BDP1: variants seen among roughly 807,000 people sequenced by gnomAD.
The protein encoded by BDP1 is transcription factor TFIIIB component B'' homolog.
Under a neutral mutation model 266.6 loss-of-function variants are expected in BDP1, and 169 were observed. That is an observed-to-expected ratio of 0.63 (90% CI 0.56 to 0.72). The LOEUF is 0.72. Ranked by LOEUF, BDP1 falls within the 30% of genes least tolerant of loss-of-function variation. The probability of loss-of-function intolerance (pLI) is 0.00; values close to 1 mark genes in which losing one functional copy is unlikely to be tolerated. For synonymous variants in BDP1, 1,090 were observed against 1,022.4 expected (o/e 1.07, Z -1.26); for missense variants, 3,015 against 3,053.8 (o/e 0.99, Z 0.30).
At position 71,502,786 on chromosome 5, in the gene BDP1, A is replaced by G. The variant is rs1484485420; in HGVS notation, c.2236A>G (p.Arg746Gly). Residue 746 changes from arginine to glycine, a missense_variant, in exon 15 of 39, where the codon AGA becomes GGA. Physicochemically the swap from Arg to Gly is moderately radical, Grantham distance 125. Transcript: ENST00000358731. ...GAATGAAAATGAATCCTGTGCTGAT[A>G]GAGATGTAAGTACTCTGATTCCTCC... ...EKNENESCAD[R>G]DTPQHMEDQS... The G allele has an allele frequency of 1.9e-6, 3 of 1,612,308 alleles. No homozygotes were observed. Among genetic ancestry groups the G allele is most frequent in the Non-Finnish European group, 1.7e-6 (2 of 1,179,292 alleles).
downstream of BDP1, among the ~76,000 whole-genome samples, chr5:71,568,090 A>G (rs1744130991): frequency 6.6e-6 from 1 of 152,116 alleles, no homozygotes; most frequent in Admixed American, 6.5e-5. Context: ...GGCTGCAGTG[A>G]GCTGTGATTG....
intron 25 of BDP1, among the ~76,000 whole-genome samples, chr5:71,526,827 A>C (rs1442054240): frequency 2.0e-5 from 3 of 151,632 alleles, no homozygotes; most frequent in Non-Finnish European, 2.9e-5. Flanking sequence ...CTGGGACTAC[A>C]GGTGTGCACC....
At chr5:71,503,241 C>T (rs924792434) in intron 15 of BDP1, among the ~76,000 whole-genome samples, 1 of 152,162 alleles carries the variant, frequency 6.6e-6, no homozygotes, top group Non-Finnish European at 1.5e-5. Context: ...CCCGCCTTGG[C>T]CTCCCAAAGT....
At chr5:71,576,672 GA>G in the BDP1 span, among the ~76,000 whole-genome samples, 2 of 152,178 alleles carry the variant, frequency 1.3e-5, no homozygotes, top group Non-Finnish European at 2.9e-5. Context: ...CAATTAGATG[GA>G]AAAGAAGAAA....
downstream of BDP1, among the ~76,000 whole-genome samples, chr5:71,569,923 T>C (rs556605269): frequency 2.6e-5 from 4 of 152,308 alleles, no homozygotes; most frequent in African/African-American, 9.6e-5. Context: ...GCCAAGCTGG[T>C]GAATCAAATG....
At chr5:71,485,002 G>T (rs1259601149) in intron 8 of BDP1, among the ~76,000 whole-genome samples, 2 of 152,126 alleles carry the variant, frequency 1.3e-5, no homozygotes, top group African/African-American at 2.4e-5. Flanking sequence ...GGAATATTGT[G>T]CTCCTCAGCC....
chr5:71,487,413 T>C (rs1219526836), intron 9 of BDP1, among the ~76,000 whole-genome samples: 1 of 152,066 alleles, frequency 6.6e-6, no homozygotes, highest in African/African-American at 2.4e-5. Context: ...GGCTAATTTT[T>C]TTTGTATTTT....
Position 71,466,099 on chromosome 5 carries a change from A to G in BDP1, c.663A>G (p.Gln221=), listed in dbSNP as rs764298148. The change falls in exon 5 of 39, where the codon CAA becomes CAG. Residue 221 remains glutamine (Q), a synonymous_variant. Coordinates refer to ENST00000358731, the MANE Select transcript of BDP1 (RefSeq NM_018429.3). ...KPSTPVQTRE[Q]EGKSTPNAED... ...AACTTATCTTTATATGTGGTAGGCA[A>G]GAAGGTAAGAGTACTCCTAATGCTG... 1.9e-6 allele frequency: 3 copies of G among 1,613,140 alleles called. No homozygotes were observed. The highest frequency in any genetic ancestry group is 2.5e-6 in the Non-Finnish European group (3 of 1,179,570).
rs145858792 is a variant in BDP1, at chr5:71,463,537, C to T, written c.600-521C>T. On this transcript the variant is annotated intron_variant, in intron 3 of 38. Transcript: ENST00000358731. Reference sequence around the variant, plus strand: ...TGAGAAGTTAGAGGATAAGAACATTCTCTGTTGGGCGTGGTGGCTCATGCC... The same window carrying T: ...TGAGAAGTTAGAGGATAAGAACATTTTCTGTTGGGCGTGGTGGCTCATGCC... Among the ~76,000 whole-genome samples, 94 of 152,152 alleles carry T rather than the reference C, an allele frequency of 6.2e-4. 3 individuals are homozygous for T. The East Asian group carries it at 0.017, about 28-fold the overall frequency.
chr5:71,460,069 A>G (rs907074186), intron 2 of BDP1, among the ~76,000 whole-genome samples: 3 of 152,242 alleles, frequency 2.0e-5, no homozygotes, highest in Non-Finnish European at 2.9e-5. Flanking sequence ...GAGTCAATAC[A>G]TGTAAAACAC....
At chr5:71,505,305 C>T (rs1764519283) in intron 16 of BDP1, among the ~76,000 whole-genome samples, 1 of 152,052 alleles carries the variant, frequency 6.6e-6, no homozygotes, top group Admixed American at 6.6e-5. Context: ...TCACACCCAG[C>T]CAGCTTTATC....
At chr5:71,467,769 T>A (rs1383000988) in intron 6 of BDP1, among the ~76,000 whole-genome samples, 2 of 152,026 alleles carry the variant, frequency 1.3e-5, no homozygotes, top group East Asian at 1.9e-4. Flanking sequence ...GGCAGGAGGA[T>A]CACTTGAGGC....
intron 16 of BDP1, among the ~76,000 whole-genome samples, chr5:71,506,089 T>C (rs1026220590): frequency 6.6e-6 from 1 of 152,232 alleles, no homozygotes; most frequent in African/African-American, 2.4e-5. Context: ...CTGATATGGA[T>C]TTTAATTACA....
At chr5:71,481,600 A>G (rs1021626895) in intron 7 of BDP1, among the ~76,000 whole-genome samples, 2 of 152,134 alleles carry the variant, frequency 1.3e-5, no homozygotes, top group African/African-American at 4.8e-5. Context: ...TTGTTCTGGA[A>G]AACTGTTAAT....
chr5:71,549,253 G>T (rs1179208013), intron 33 of BDP1, among the ~76,000 whole-genome samples, 167 bp from the exon 34 acceptor site: 1 of 152,200 alleles, frequency 6.6e-6, no homozygotes, highest in African/African-American at 2.4e-5. Context: ...CGCAAAAAAG[G>T]AGGGAACTTA....
intron 35 of BDP1, among the ~76,000 whole-genome samples, chr5:71,555,747 T>C (rs991691972): frequency 1.3e-5 from 2 of 152,204 alleles, no homozygotes; most frequent in African/African-American, 4.8e-5. Flanking sequence ...GGCCGAATTT[T>C]TGTAGCTTTA....
chr5:71,521,142 G>A (rs1404372363), intron 22 of BDP1, among the ~76,000 whole-genome samples: 1 of 146,820 alleles, frequency 6.8e-6, no homozygotes, highest in Non-Finnish European at 1.5e-5. Context: ...AGCCGAGATC[G>A]CACCATTGCA....
At chr5:71,526,634 A>AG (rs1442066364) in intron 25 of BDP1, among the ~76,000 whole-genome samples, 4 of 149,122 alleles carry the variant, frequency 2.7e-5, no homozygotes, top group Admixed American at 6.6e-5. Flanking sequence ...AAAAAAAAAA[A>AG]AAGAAGAGTG....
chr5:71,497,356 A>G lies in BDP1; in HGVS notation c.1886A>G (p.Lys629Arg), dbSNP rs1763959377. The G allele has an allele frequency of 6.2e-7, 1 of 1,613,730 alleles. No individual in the cohort carries two copies. The highest frequency in any genetic ancestry group is 1.7e-5 in the Admixed American group (1 of 60,006). ...PKPNLSRAGK[K>R]SVLSQGKTES... is the part of the protein sequence containing the mutation. ...CCCAATTTGTCAAGGGCTGGGAAGA[A>G]ATCAGTTCTTTCACAAGGCAAAACA... Residue 629 changes from lysine (K) to arginine (R), a missense_variant, in exon 13 of 39, where the codon AAA becomes AGA. Coordinates refer to ENST00000358731, the MANE Select transcript of BDP1 (RefSeq NM_018429.3).
Sources: gnomAD v4.1 joint callset for allele counts (sites outside exome capture counted in the v4.1 genomes callset) on GRCh38, gnomAD v4.1.1 for gene constraint, MANE v1.5 for transcripts, NCBI Gene and HGNC (gene_info 2026-07-23, HGNC 2026-07-21) for gene names.